The following UBE2T variants were observed in gnomAD, a reference collection of about 807,000 sequenced individuals.
The protein encoded by UBE2T is ubiquitin-conjugating enzyme E2 T.
In UBE2T, 15 loss-of-function variants were observed where a neutral mutation model predicts 23.3. That is an observed-to-expected ratio of 0.64 (90% CI 0.43 to 0.99). The LOEUF (loss-of-function observed/expected upper bound fraction) is 0.99, where lower values mean the gene tolerates loss of function less well. UBE2T is among the 50% of genes least tolerant of loss of function. UBE2T has a pLI of 0.00. For synonymous variants in UBE2T, 67 were observed against 78.4 expected (o/e 0.85, Z 0.77); for missense variants, 197 against 234.9 (o/e 0.84, Z 1.05).
At position 202,335,695 on chromosome 1, in the gene UBE2T, TG is replaced by T; in HGVS notation, c.59del (p.Pro20GlnfsTer20). 6.2e-7 allele frequency: 1 copy of T among 1,614,060 alleles called. No homozygotes were observed. Among genetic ancestry groups the T allele is most frequent in the Non-Finnish European group, 8.5e-7 (1 of 1,179,998 alleles). On this transcript the variant is annotated frameshift_variant, in exon 2 of 7. Coordinates refer to ENST00000646651, the MANE Select transcript of UBE2T (RefSeq NM_014176.4). LOFTEE classifies it high-confidence loss of function. The surrounding 1 kb of genome is among the most constrained non-coding windows in gnomAD (Gnocchi z 4.0). ...ELHMLATEPP[P>X]GITCWQDKDQ... ...CTTTATCTTGCCAACATGTGATGCC[TG>T]GGGGTGGCTCTGTGGCTAACATGTG... is the stretch of plus-strand genomic sequence containing the variant.
chr1:202,334,889 A>G, intron 3 of UBE2T, 100 bp downstream of exon 3: 1 of 1,125,908 alleles, frequency 8.9e-7, no homozygotes, highest in Non-Finnish European at 1.3e-6. Flanking sequence ...TAAGGCCAGG[A>G]TTAAAACCTA....
chr1:202,332,627 G>C (rs1654775704), intron 6 of UBE2T, among the ~76,000 whole-genome samples: 1 of 152,108 alleles, frequency 6.6e-6, no homozygotes. Context: ...ACATTATTTA[G>C]GCCGGGCGCG....
Position 202,331,900 on chromosome 1 carries a change from AGTTG to A in UBE2T, c.525_528del (p.Asn176GlnfsTer10). The A allele has an allele frequency of 6.2e-7, 1 of 1,614,060 alleles. No individual in the cohort carries two copies. Among genetic ancestry groups the A allele is most frequent in the Non-Finnish European group, 8.5e-7 (1 of 1,179,994 alleles). On this transcript the variant is annotated frameshift_variant, in exon 7 of 7. Coordinates refer to ENST00000646651, the MANE Select transcript of UBE2T (RefSeq NM_014176.4). LOFTEE classifies it high-confidence loss of function. ...TGACTGGCCTTCCTTTTCTGTGTTG[AGTTG>A]TGTACTCTGGAGTCACCAGCCTCTG...
intron 1 of UBE2T, among the ~76,000 whole-genome samples, chr1:202,339,709 A>G (rs1213108380): frequency 6.6e-6 from 1 of 151,232 alleles, no homozygotes; most frequent in Non-Finnish European, 1.5e-5. Flanking sequence ...TTAGCATTTT[A>G]TTAGGTATTA....
At chr1:202,336,610 T>C (rs541060057) in intron 1 of UBE2T, among the ~76,000 whole-genome samples, 43 of 152,322 alleles carry the variant, frequency 2.8e-4, no homozygotes, top group Admixed American at 1.6e-3. Context: ...TTGCTTACTA[T>C]TGTAGCCTTA....
intron 5 of UBE2T, 68 bp from the exon 6 acceptor site, chr1:202,333,161 G>C (rs1030110188): frequency 1.0e-5 from 16 of 1,601,164 alleles, no homozygotes; most frequent in Non-Finnish European, 1.4e-5. Flanking sequence ...AGCTGCTGCA[G>C]CTATCCTCAC....
intron 6 of UBE2T, 40 bp downstream of exon 6, chr1:202,332,970 T>C (rs369806161): frequency 4.8e-5 from 43 of 895,094 alleles, no homozygotes; most frequent in Non-Finnish European, 6.8e-5. Flanking sequence ...CTTTATACTA[T>C]ATATACTTAA....
At chr1:202,336,393 C>T (rs1291330433) in intron 1 of UBE2T, among the ~76,000 whole-genome samples, 1 of 151,886 alleles carries the variant, frequency 6.6e-6, no homozygotes, top group African/African-American at 2.4e-5. Flanking sequence ...GTCCAAGATT[C>T]CTCTTATTAA....
At position 202,335,183 on chromosome 1, in the gene UBE2T, G is replaced by A. The variant is rs746131056; in HGVS notation, c.110-125C>T. ...GGCCTAGGACAATAATTCTCTGCCAGGACTTTAACAAGTCCTCATGCAACA... is the reference window on the plus strand; with the variant it reads ...GGCCTAGGACAATAATTCTCTGCCAAGACTTTAACAAGTCCTCATGCAACA... On this transcript the variant is annotated intron_variant, in intron 2 of 6. Transcript: ENST00000646651. This position sits in a 1 kb window ranked among gnomAD's most constrained non-coding sequence, Gnocchi z 4.0. 2.6e-6 allele frequency: 2 copies of A among 759,636 alleles called. No homozygotes were observed. Among genetic ancestry groups the A allele is most frequent in the Admixed American group, 2.8e-5 (1 of 35,488 alleles). The allele number at this position is 759,636 out of a possible 1,614,324, so 47.1% of individuals were successfully genotyped here.
At chr1:202,333,428 C>T (rs1340724324) in intron 4 of UBE2T, 22 bp downstream of exon 4, 10 of 1,613,432 alleles carry the variant, frequency 6.2e-6, no homozygotes, top group Non-Finnish European at 7.6e-6. Flanking sequence ...GCTGTAGAGT[C>T]AACCATTTAC....
In UBE2T at chr1:202,331,910, T is replaced by TAGCTGA; in HGVS notation, c.518_519insTCAGCT (p.Arg173delinsSerGlnLeu). ...TCCTTTTCTGTGTTGAGTTGTGTAC[T>TAGCTGA]CTGGAGTCACCAGCCTCTGGTAGAT... On this transcript the variant is annotated protein_altering_variant, in exon 7 of 7. Coordinates refer to ENST00000646651, the MANE Select transcript of UBE2T (RefSeq NM_014176.4). The TAGCTGA allele has an allele frequency of 1.2e-6, 2 of 1,614,152 alleles. No individual in the cohort carries two copies. Among genetic ancestry groups the TAGCTGA allele is most frequent in the Non-Finnish European group, 1.7e-6 (2 of 1,180,016 alleles).
At position 202,333,175 on chromosome 1, in the gene UBE2T, G is replaced by A. The variant is rs886177744; in HGVS notation, c.384+62C>T. 14 of 1,605,032 alleles carry A rather than the reference G, an allele frequency of 8.7e-6. No individual in the cohort carries two copies. In the African/African-American group the frequency reaches 1.9e-4, roughly 22 times the overall value. ...GAGCTGCTGCAGCTATCCTCACACA[G>A]GGAGAGTTAGCGGTATAGACAAGGT... On this transcript the variant is annotated intron_variant, in intron 5 of 6. Transcript: ENST00000646651.
chr1:202,332,378 C>T (rs377620450), intron 6 of UBE2T, among the ~76,000 whole-genome samples: 1 of 152,096 alleles, frequency 6.6e-6, no homozygotes, highest in Non-Finnish European at 1.5e-5. Flanking sequence ...AAAAGGACAA[C>T]TTAGAAAAAA....
In UBE2T at chr1:202,332,310, GAA is replaced by G. The variant is rs906060137; in HGVS notation, c.469-352_469-351del. Among the ~76,000 whole-genome samples the G allele has an allele frequency of 3.9e-5, 6 of 152,080 alleles. No individual in the cohort carries two copies. In the East Asian group the frequency reaches 1.2e-3, roughly 29 times the overall value. On this transcript the variant is annotated intron_variant, in intron 6 of 6. Coordinates refer to ENST00000646651, the MANE Select transcript of UBE2T (RefSeq NM_014176.4). Reference sequence around the variant, plus strand: ...CTTTCTTCCATGAATGGTCCCCTAAGAAAAGTTTCCCCCATCTCTGCAACTAG... The same window carrying G: ...CTTTCTTCCATGAATGGTCCCCTAAGAAGTTTCCCCCATCTCTGCAACTAG...
chr1:202,335,877 G>T lies in UBE2T; in HGVS notation c.-64-59C>A. 1.2e-6 allele frequency: 1 copy of T among 809,392 alleles called. No homozygotes were observed. The highest frequency in any genetic ancestry group is 2.0e-6 in the Non-Finnish European group (1 of 505,716). 50.1% of individuals were successfully genotyped at this position (809,392 alleles called of 1,614,324 possible). A position where few individuals can be genotyped will look rare whatever the true frequency, so the allele number is the denominator to read the frequency against. ...AGCAATAATGACTATGAAGTTTTCAGCAAACAGCTTCAATGTAGTGAGGGT... is the reference window on the plus strand; with the variant it reads ...AGCAATAATGACTATGAAGTTTTCATCAAACAGCTTCAATGTAGTGAGGGT... On this transcript the variant is annotated intron_variant, in intron 1 of 6. Transcript: ENST00000646651. The surrounding 1 kb of genome is among the most constrained non-coding windows in gnomAD (Gnocchi z 4.0).
Position 202,331,965 on chromosome 1 carries a change from AGAG to A in UBE2T, c.469-8_469-6del. 2 of 1,614,024 alleles carry A rather than the reference AGAG, an allele frequency of 1.2e-6. No individual in the cohort carries two copies. The highest frequency in any genetic ancestry group is 1.7e-4 in the Middle Eastern group (1 of 6,060). On this transcript the variant is annotated splice_region_variant and splice_polypyrimidine_tract_variant and intron_variant, in intron 6 of 6. Transcript: ENST00000646651. ...AAGCATCTCTTCCTCATCAGCCTAAAGAGGAGACAGGGTGAAACACAGTAAGGT... is the reference window on the plus strand; with the variant it reads ...AAGCATCTCTTCCTCATCAGCCTAAAGAGACAGGGTGAAACACAGTAAGGT...
chr1:202,334,838 G>A, intron 3 of UBE2T, 151 bp downstream of exon 3: 1 of 641,276 alleles, frequency 1.6e-6, no homozygotes, highest in Non-Finnish European at 2.7e-6. Flanking sequence ...CTGAACTCCA[G>A]AGAGAGAAAA....
chr1:202,340,979 G>C (rs1413876897), intron 1 of UBE2T, among the ~76,000 whole-genome samples: 1 of 152,118 alleles, frequency 6.6e-6, no homozygotes, highest in Non-Finnish European at 1.5e-5. Flanking sequence ...ACAAACTCAT[G>C]CTTCAGCCAC....
rs1286537766 is a variant in UBE2T at position 202,333,042 on chromosome 1, ACTGT to A, written c.432_435del (p.Arg144SerfsTer42). 1.1e-5 allele frequency: 18 copies of A among 1,612,414 alleles called. No homozygotes were observed. The highest frequency in any genetic ancestry group is 1.7e-5 in the Admixed American group (1 of 59,714). ...TTCTGTCTTGCATGCTTCTCTGTCC[ACTGT>A]CTGGCATTCTTGAGGAAGGCTGGCT... On this transcript the variant is annotated frameshift_variant, in exon 6 of 7. Coordinates refer to ENST00000646651, the MANE Select transcript of UBE2T (RefSeq NM_014176.4). LOFTEE classifies it low-confidence loss of function (END_TRUNC).
Sources: allele counts gnomAD v4.1 joint callset (sites outside exome capture counted in the v4.1 genomes callset), GRCh38; gene constraint gnomAD v4.1.1; non-coding constraint Gnocchi (gnomAD v3.1); transcripts MANE v1.5; gene names NCBI Gene and HGNC (gene_info 2026-07-23, HGNC 2026-07-21).